IFNAR2: variants seen among roughly 807,000 people sequenced by gnomAD.
The protein encoded by IFNAR2 is interferon alpha and beta receptor subunit 2.
In IFNAR2, 30 loss-of-function variants were observed where a neutral mutation model predicts 49.4. The ratio of observed to expected loss-of-function variants is 0.61; its 90% CI spans 0.45 to 0.82. The LOEUF (loss-of-function observed/expected upper bound fraction) is 0.82. Among genes scored for constraint, IFNAR2 ranks in the 40% least tolerant of loss-of-function variants. The pLI is 0.00. For synonymous variants in IFNAR2, 224 were observed against 234.5 expected, an observed-to-expected ratio of 0.96 and a Z score of 0.41; for missense variants, 600 against 622.7, an observed-to-expected ratio of 0.96 and a Z score of 0.39.
intron 1 of IFNAR2, among the ~76,000 whole-genome samples, chr21:33,241,164 AAAACTGCACTTG>A (rs1986893475): frequency 6.6e-6 from 1 of 152,210 alleles, no homozygotes. Context: ...TCTATCTAAC[AAAACTGCACTTG>A]TACCCCTTAA....
At chr21:33,244,927 T>C in intron 3 of IFNAR2, 24 bp from the exon 4 acceptor site, 2 of 1,612,472 alleles carry the variant, frequency 1.2e-6, no homozygotes, top group East Asian at 2.2e-5. Context: ...CAAATTTCAA[T>C]GCCCTTTTTC....
intron 6 of IFNAR2, among the ~76,000 whole-genome samples, chr21:33,250,934 A>G (rs1206207296): frequency 6.6e-6 from 1 of 152,232 alleles, no homozygotes; most frequent in Non-Finnish European, 1.5e-5. Context: ...AGATAGGGTT[A>G]GAGGGTTTGG....
chr21:33,258,990 G>A lies in IFNAR2; in HGVS notation c.710-1607G>A, dbSNP rs548837187. ...TTACTTGTTCCAGAGAGGTAAGTAC[G>A]GGAGGAACTATAAGAGACTGATGTT... On this transcript the variant is annotated intron_variant, in intron 7 of 8. Coordinates refer to ENST00000342136, the MANE Select transcript of IFNAR2 (RefSeq NM_001289125.3). 1.1e-4 allele frequency among the ~76,000 whole-genome samples: 16 copies of A among 152,262 alleles called. No individual in the cohort carries two copies. In the South Asian group the frequency reaches 2.9e-3, roughly 28 times the overall value.
intron 1 of IFNAR2, among the ~76,000 whole-genome samples, chr21:33,232,654 T>TA (rs200638049): frequency 0.041 from 5,860 of 144,326 alleles, 125 homozygotes; most frequent in Middle Eastern, 0.061. Context: ...CAGTCCTTGT[T>TA]AAAAAAAAAA....
In IFNAR2 at chr21:33,237,078, G is replaced by GATGTGTGT. The variant is rs3223272; in HGVS notation, c.-83-4762_-83-4761insATGTGTGT. Among the ~76,000 whole-genome samples the GATGTGTGT allele has an allele frequency of 1.8e-3, 260 of 147,698 alleles. 2 individuals are homozygous for GATGTGTGT. The highest frequency in any genetic ancestry group is 6.9e-3 in the Middle Eastern group (2 of 288). ...CCCCTGGCCCAGAGGGGGAGAATGGGGTGTGTGTGTGTGTGTGTGTGTGTG... is the reference window on the plus strand; with the variant it reads ...CCCCTGGCCCAGAGGGGGAGAATGGGATGTGTGTGTGTGTGTGTGTGTGTGTGTGTGTG... On this transcript the variant is annotated intron_variant, in intron 1 of 8. Coordinates refer to ENST00000342136, the MANE Select transcript of IFNAR2 (RefSeq NM_001289125.3).
Position 33,263,801 on chromosome 21 carries a change from C to A in IFNAR2, c.*301C>A. 1 of 335,150 alleles carries A rather than the reference C, an allele frequency of 3.0e-6. No homozygotes were observed. The highest frequency in any genetic ancestry group is 5.5e-6 in the Non-Finnish European group (1 of 181,668). The allele number at this position is 335,150 out of a possible 1,614,324, so 20.8% of individuals were successfully genotyped here. Reference sequence around the variant, plus strand: ...ATCATGTCTACCAGGGAGCAGGGTTCCCCACAGTTTCAGAGGTGGTCCAGG... The same window carrying A: ...ATCATGTCTACCAGGGAGCAGGGTTACCCACAGTTTCAGAGGTGGTCCAGG... On this transcript the variant is annotated 3_prime_UTR_variant, in exon 9 of 9. Transcript: ENST00000342136.
At chr21:33,249,468 G>T (rs991175905) in intron 6 of IFNAR2, among the ~76,000 whole-genome samples, 21 of 151,992 alleles carry the variant, frequency 1.4e-4, no homozygotes, top group Non-Finnish European at 7.4e-5. Context: ...AGATTTATTT[G>T]AAAAGGAGAG....
chr21:33,262,426 A>G (rs371716055), intron 8 of IFNAR2: 144 of 564,204 alleles, frequency 2.6e-4, no homozygotes, highest in African/African-American at 2.2e-3. Flanking sequence ...GGGAAAGGTA[A>G]ATTATATATA....
chr21:33,239,749 T>A (rs1017012084), intron 1 of IFNAR2, among the ~76,000 whole-genome samples: 1 of 151,870 alleles, frequency 6.6e-6, no homozygotes, highest in Non-Finnish European at 1.5e-5. Context: ...GTACTCTCCC[T>A]CCTGGGGCCC....
At position 33,265,522 on chromosome 21, in the gene IFNAR2, C is replaced by A. The variant is rs1988899338; in HGVS notation, c.*2022C>A. The A allele has an allele frequency of 6.3e-6, 1 of 159,120 alleles. No individual in the cohort carries two copies. Among genetic ancestry groups the A allele is most frequent in the Non-Finnish European group, 1.4e-5 (1 of 71,202 alleles). The allele number at this position is 159,120 out of a possible 1,614,324, so 9.9% of individuals were successfully genotyped here. ...TTATCTGCCTTCTCAGTGCATCTGTCATATTCTGAAAGATTCTGGGTTGAT... is the reference window on the plus strand; with the variant it reads ...TTATCTGCCTTCTCAGTGCATCTGTAATATTCTGAAAGATTCTGGGTTGAT... On this transcript the variant is annotated 3_prime_UTR_variant, in exon 9 of 9. Transcript: ENST00000342136.
chr21:33,260,625 A>G lies in IFNAR2; in HGVS notation c.738A>G (p.Gly246=). The G allele has an allele frequency of 6.3e-7, 1 of 1,595,696 alleles. No individual in the cohort carries two copies. Among genetic ancestry groups the G allele is most frequent in the Non-Finnish European group, 8.5e-7 (1 of 1,174,544 alleles). ...CAGCAGAATCTGCCAAAATAGGAGG[A>G]ATAATTACTGTGTTTTTGATAGCAT... ...SESAESAKIG[G]IITVFLIALV... Residue 246 remains glycine (G), a synonymous_variant, in exon 8 of 9, where the codon GGA becomes GGG. Transcript: ENST00000342136.
intron 2 of IFNAR2, among the ~76,000 whole-genome samples, chr21:33,242,728 C>CAAAAAAAAAAAAAAAAAAAAA (rs1182507309): frequency 2.1e-5 from 1 of 48,578 alleles, no homozygotes; most frequent in African/African-American, 9.1e-5. Context: ...GACTCTGTCT[C>CAAAAAAAAAAAAAAAAAAAAA]AAAAAAAAAA....
At chr21:33,245,334 G>A (rs1036123468) in intron 4 of IFNAR2, among the ~76,000 whole-genome samples, 4 of 152,198 alleles carry the variant, frequency 2.6e-5, no homozygotes, top group Non-Finnish European at 2.9e-5. Context: ...ATTTCTACAG[G>A]TCAGAACCTC....
At chr21:33,256,316 A>G (rs1988206384) in intron 7 of IFNAR2, among the ~76,000 whole-genome samples, 1 of 152,176 alleles carries the variant, frequency 6.6e-6, no homozygotes. Context: ...ATTACCCGAG[A>G]TAGGTCAAGT....
intron 8 of IFNAR2, among the ~76,000 whole-genome samples, chr21:33,261,035 C>CTTTTTTTTTTT (rs368696822): frequency 1.4e-4 from 13 of 95,982 alleles, no homozygotes; most frequent in Non-Finnish European, 2.1e-4. Flanking sequence ...GTTTTCTTTC[C>CTTTTTTTTTTT]TTTTTTTTTT....
intron 4 of IFNAR2, among the ~76,000 whole-genome samples, 171 bp from the exon 5 acceptor site, chr21:33,246,547 G>C (rs2123483249): frequency 6.6e-6 from 1 of 152,332 alleles, no homozygotes; most frequent in African/African-American, 2.4e-5. Flanking sequence ...AAGTGCAGGG[G>C]TGGGGAGGGC....
intron 1 of IFNAR2, among the ~76,000 whole-genome samples, chr21:33,240,834 A>G (rs1314465980): frequency 1.3e-5 from 2 of 151,292 alleles, no homozygotes; most frequent in African/African-American, 4.8e-5. Flanking sequence ...AAAAAGTTAC[A>G]TATATATACA....
At chr21:33,252,114 A>G (rs567319888) in intron 6 of IFNAR2, 2 of 468,780 alleles carry the variant, frequency 4.3e-6, no homozygotes, top group Admixed American at 2.4e-5. Context: ...CTATCTATCT[A>G]TCTATATCTG....
chr21:33,245,710 TC>T (rs1377454126), intron 4 of IFNAR2, among the ~76,000 whole-genome samples: 1 of 152,226 alleles, frequency 6.6e-6, no homozygotes, highest in Admixed American at 6.5e-5. Flanking sequence ...ATTGCTTTGA[TC>T]CAGCAGCCCC....
Sources: allele counts gnomAD v4.1 joint callset (sites outside exome capture counted in the v4.1 genomes callset), GRCh38; gene constraint gnomAD v4.1.1; transcripts MANE v1.5; gene names NCBI Gene and HGNC (gene_info 2026-07-23, HGNC 2026-07-21).